Variants in GHR observed in about 807,000 individuals in gnomAD.
GHR encodes the protein growth hormone receptor, also known as GH receptor.
Under a neutral mutation model 67.1 loss-of-function variants are expected in GHR, and 35 were observed. That is an observed-to-expected ratio of 0.52 (90% CI 0.40 to 0.69). GHR has a LOEUF of 0.69. Among genes scored for constraint, GHR ranks in the 30% least tolerant of loss-of-function variants. GHR has a pLI of 0.00. For missense variants in GHR, 792 were observed against 764.6 expected (o/e 1.04, Z -0.42); for synonymous variants, 272 against 269.1 (o/e 1.01, Z -0.10).
chr5:42,460,634 T>C (rs1744449177), intron 1 of GHR, among the ~76,000 whole-genome samples: 2 of 152,332 alleles, frequency 1.3e-5, no homozygotes, highest in Middle Eastern at 3.4e-3. Context: ...AGTAATTTTG[T>C]ATGTTAAACT....
At chr5:42,477,336 A>G (rs996610844) in intron 1 of GHR, among the ~76,000 whole-genome samples, 2 of 152,162 alleles carry the variant, frequency 1.3e-5, no homozygotes, top group Non-Finnish European at 2.9e-5. Context: ...GTGCCACAAT[A>G]AACATACGTG....
intron 1 of GHR, among the ~76,000 whole-genome samples, chr5:42,452,845 T>C (rs1232187233): frequency 6.6e-6 from 1 of 152,150 alleles, no homozygotes; most frequent in Non-Finnish European, 1.5e-5. Flanking sequence ...CTTTTTCTGG[T>C]AACTCCTTGA....
intron 7 of GHR, 89 bp downstream of exon 7, chr5:42,711,461 C>A (rs2111819562): frequency 2.2e-6 from 2 of 891,912 alleles, no homozygotes; most frequent in Non-Finnish European, 3.8e-6. Flanking sequence ...GTGTGTTGTC[C>A]AAATCAAAAT....
chr5:42,712,472 T>C (rs988228011), intron 7 of GHR, among the ~76,000 whole-genome samples: 1 of 152,160 alleles, frequency 6.6e-6, no homozygotes, highest in Non-Finnish European at 1.5e-5. Context: ...GTCATTGATA[T>C]GAAATTATAG....
chr5:42,659,938 G>A (rs886749867), intron 3 of GHR, among the ~76,000 whole-genome samples: 30 of 152,130 alleles, frequency 2.0e-4, no homozygotes, highest in African/African-American at 6.0e-4. Context: ...CTTAAAAAAC[G>A]GCGCACCAGG....
At chr5:42,499,386 G>A (rs931883312) in intron 1 of GHR, among the ~76,000 whole-genome samples, 6 of 152,158 alleles carry the variant, frequency 3.9e-5, no homozygotes, top group African/African-American at 7.2e-5. Flanking sequence ...TTCATTGATC[G>A]TCCACAAGCT....
chr5:42,461,960 A>G (rs1474402622), intron 1 of GHR, among the ~76,000 whole-genome samples: 2 of 152,204 alleles, frequency 1.3e-5, no homozygotes, highest in Non-Finnish European at 2.9e-5. Context: ...CAAGTAACAG[A>G]TTCCAAAGAG....
chr5:42,718,176 C>T (rs1444093651), intron 9 of GHR, 55 bp downstream of exon 9: 1 of 905,958 alleles, frequency 1.1e-6, no homozygotes, highest in Non-Finnish European at 1.9e-6. Flanking sequence ...CCTGAAGACT[C>T]CTGTCATATG....
chr5:42,445,572 C>G (rs914771540), intron 1 of GHR, among the ~76,000 whole-genome samples: 1 of 152,144 alleles, frequency 6.6e-6, no homozygotes, highest in Admixed American at 6.5e-5. Context: ...CTTGGCATGA[C>G]TGTGCTTTTC....
chr5:42,476,747 C>T lies in GHR; in HGVS notation c.-12+52792C>T, dbSNP rs1579776929. 2.0e-5 allele frequency among the ~76,000 whole-genome samples: 3 copies of T among 152,228 alleles called. No individual in the cohort carries two copies. In the South Asian group the frequency reaches 6.2e-4, roughly 32 times the overall value. On this transcript the variant is annotated intron_variant, in intron 1 of 9. Transcript: ENST00000230882. Reference sequence around the variant, plus strand: ...AAAGTTGAGACTTTTGAAGTTCAGGCAATTTATATGGTGTTTCAGGTGTTA... The same window carrying T: ...AAAGTTGAGACTTTTGAAGTTCAGGTAATTTATATGGTGTTTCAGGTGTTA...
chr5:42,549,709 C>T (rs1680014764), intron 1 of GHR: 2 of 967,558 alleles, frequency 2.1e-6, no homozygotes, highest in African/African-American at 1.8e-5. Flanking sequence ...TAGGAAGAGG[C>T]CACATCAGAT....
chr5:42,583,894 T>TAA (rs1751332023), intron 2 of GHR, among the ~76,000 whole-genome samples: 1 of 149,286 alleles, frequency 6.7e-6, no homozygotes, highest in African/African-American at 2.4e-5. Context: ...TATATATATA[T>TAA]ATAAATTCTT....
chr5:42,606,470 A>G (rs1752635095), intron 2 of GHR, among the ~76,000 whole-genome samples: 1 of 152,180 alleles, frequency 6.6e-6, no homozygotes, highest in Non-Finnish European at 1.5e-5. Context: ...GGGAGTTGGC[A>G]TGTAGAAATC....
rs1310430816 is a variant in GHR at position 42,700,018 on chromosome 5, A to C, written c.618+16A>C. The C allele has an allele frequency of 2.2e-5, 34 of 1,512,950 alleles. No homozygotes were observed. Among genetic ancestry groups the C allele is most frequent in the Non-Finnish European group, 2.8e-5 (31 of 1,089,298 alleles). The allele number at this position is 1,512,950 out of a possible 1,614,324, so 93.7% of individuals were successfully genotyped here. A position where few individuals can be genotyped will look rare whatever the true frequency, so the allele number is the denominator to read the frequency against. Reference sequence around the variant, plus strand: ...ATGGAAAATGGTAAGATGTTGCTACACCTTACACTTTGACTTTTCTTTCTA... The same window carrying C: ...ATGGAAAATGGTAAGATGTTGCTACCCCTTACACTTTGACTTTTCTTTCTA... On this transcript the variant is annotated intron_variant, in intron 6 of 9. Coordinates refer to ENST00000230882, the MANE Select transcript of GHR (RefSeq NM_000163.5).
At chr5:42,529,397 C>A (rs1200928413) in intron 1 of GHR, among the ~76,000 whole-genome samples, 1 of 152,144 alleles carries the variant, frequency 6.6e-6, no homozygotes, top group African/African-American at 2.4e-5. Flanking sequence ...TGGTCCGGAA[C>A]TGAACTGCAG....
rs940962992 is a variant in GHR, at chr5:42,711,084, T to A, written c.619-123T>A. 1.6e-5 allele frequency: 12 copies of A among 767,598 alleles called. No homozygotes were observed. The African/African-American group carries it at 1.9e-4, about 12-fold the overall frequency. 47.5% of individuals were successfully genotyped at this position (767,598 alleles called of 1,614,324 possible). ...TTAAATAACAAATGCTCACAATGCA[T>A]TTTAAAATATTACCTACTTTATAAA... On this transcript the variant is annotated intron_variant, in intron 6 of 9. Coordinates refer to ENST00000230882, the MANE Select transcript of GHR (RefSeq NM_000163.5).
chr5:42,446,677 A>C (rs1481459700), intron 1 of GHR, among the ~76,000 whole-genome samples: 1 of 152,222 alleles, frequency 6.6e-6, no homozygotes, highest in African/African-American at 2.4e-5. Flanking sequence ...ATGAGTAATA[A>C]CATGTCTTAC....
chr5:42,666,665 A>G (rs1755997651), intron 3 of GHR, among the ~76,000 whole-genome samples: 1 of 152,192 alleles, frequency 6.6e-6, no homozygotes, highest in South Asian at 2.1e-4. Context: ...ATTGGACAGC[A>G]CAGATCTAAG....
At chr5:42,541,140 G>A (rs566482562) in intron 1 of GHR, among the ~76,000 whole-genome samples, 5 of 152,118 alleles carry the variant, frequency 3.3e-5, no homozygotes, top group South Asian at 4.2e-4. Flanking sequence ...TGGAAATATA[G>A]GAGTCAACCA....
Sources: gnomAD v4.1 joint callset for allele counts (sites outside exome capture counted in the v4.1 genomes callset) on GRCh38, gnomAD v4.1.1 for gene constraint, MANE v1.5 for transcripts, NCBI Gene and HGNC (gene_info 2026-07-23, HGNC 2026-07-21) for gene names.